Variants in CBLIF observed in about 807,000 individuals in gnomAD.
The protein encoded by CBLIF is gastric intrinsic factor (vitamin B synthesis).
CBLIF carries 24 observed loss-of-function variants against 44.9 expected under a neutral mutation model. The ratio of observed to expected loss-of-function variants is 0.53; its 90% CI spans 0.39 to 0.75. The LOEUF is 0.75. Among genes scored for constraint, CBLIF ranks in the 30% least tolerant of loss-of-function variants. The pLI, the probability that CBLIF is intolerant of heterozygous loss-of-function variation, is 0.00. For missense variants in CBLIF, 481 were observed against 513.0 expected (o/e 0.94, Z 0.60); for synonymous variants, 183 against 190.9 (o/e 0.96, Z 0.34).
At chr11:59,834,480 C>T (rs2135086651) in intron 7 of CBLIF, among the ~76,000 whole-genome samples, 1 of 150,048 alleles carries the variant, frequency 6.7e-6, no homozygotes, top group Admixed American at 6.7e-5. Context: ...GCAACCTCCA[C>T]CTCCCAGGCT....
At position 59,843,916 on chromosome 11, in the gene CBLIF, C is replaced by T; in HGVS notation, c.219G>A (p.Lys73=). 6.2e-7 allele frequency: 1 copy of T among 1,613,750 alleles called. No homozygotes were observed. The highest frequency in any genetic ancestry group is 8.5e-7 in the Non-Finnish European group (1 of 1,179,758). Residue 73 remains lysine, a synonymous_variant, in exon 2 of 9, where the codon AAG becomes AAA. Transcript: ENST00000257248. ...TGGACATGAGCTGGTAAGTCAGGAG[C>T]TTCTGGGCCTTCAAGTTGTAGGCTC... ...LAGAYNLKAQ[K]LLTYQLMSSD...
chr11:59,838,738 A>G (rs769088733), intron 5 of CBLIF, among the ~76,000 whole-genome samples: 3 of 152,194 alleles, frequency 2.0e-5, no homozygotes, highest in Non-Finnish European at 4.4e-5. Context: ...CATTGGGATT[A>G]CACATCACCA....
At chr11:59,842,297 G>T in intron 4 of CBLIF, 146 bp downstream of exon 4, 1 of 857,954 alleles carries the variant, frequency 1.2e-6, no homozygotes, top group African/African-American at 1.6e-5. Flanking sequence ...ACAAACATCT[G>T]GTAAATATCT....
chr11:59,830,843 C>A (rs1866363941), intron 8 of CBLIF, among the ~76,000 whole-genome samples: 1 of 152,138 alleles, frequency 6.6e-6, no homozygotes, highest in Admixed American at 6.5e-5. Context: ...GAGCTTCTAG[C>A]CAAGTCCTCT....
intron 2 of CBLIF, 95 bp from the exon 3 acceptor site, chr11:59,843,236 AT>A: frequency 1.3e-6 from 1 of 765,550 alleles, no homozygotes; most frequent in Non-Finnish European, 2.4e-6. Flanking sequence ...TATCTAGAGC[AT>A]TTTGACTTTT....
chr11:59,845,213 C>T (rs770094128), intron 1 of CBLIF, 162 bp downstream of exon 1: 1 of 949,792 alleles, frequency 1.1e-6, no homozygotes, highest in South Asian at 1.4e-5. Flanking sequence ...AGAACTTATG[C>T]TATTAAGTCA....
intron 7 of CBLIF, among the ~76,000 whole-genome samples, chr11:59,833,460 T>C (rs932846345): frequency 2.7e-5 from 4 of 150,286 alleles, no homozygotes; most frequent in African/African-American, 9.8e-5. Flanking sequence ...GGGGTTGCAG[T>C]GAGCCGAGAT....
chr11:59,834,240 T>TTC lies in CBLIF; in HGVS notation c.1073+1567_1073+1568insGA, dbSNP rs1424638091. On this transcript the variant is annotated intron_variant, in intron 7 of 8. Transcript: ENST00000257248. The stretch of plus-strand genomic sequence containing the variant: ...CCTTTCTGTTTCTTTCTTTCTTTCT[T>TTC]TTTCTTTCTTTCTTTCTTTCTTTCT... 2.9e-4 allele frequency among the ~76,000 whole-genome samples: 33 copies of TTC among 115,202 alleles called. 1 individual carries two copies. The highest frequency in any genetic ancestry group is 1.1e-3 in the African/African-American group (31 of 28,728). 75.6% of individuals were successfully genotyped at this position (115,202 alleles called of 152,430 possible).
Position 59,841,138 on chromosome 11 carries a change from T to C in CBLIF, c.693+5A>G. The C allele has an allele frequency of 6.2e-7, 1 of 1,606,990 alleles. No individual in the cohort carries two copies. The highest frequency in any genetic ancestry group is 8.5e-7 in the Non-Finnish European group (1 of 1,173,432). ...CCCAACCAAGAGCATCCAGCACGTG[T>C]TTACCTGCATGGCGAGGCCAGTACT... On this transcript the variant is annotated splice_donor_5th_base_variant and intron_variant, in intron 5 of 8. Transcript: ENST00000257248.
At chr11:59,844,105 A>C in intron 1 of CBLIF, 50 bp from the exon 2 acceptor site, 1 of 1,367,632 alleles carries the variant, frequency 7.3e-7, no homozygotes. Flanking sequence ...ATTCCTTCTC[A>C]AAAACATTAT....
Position 59,845,397 on chromosome 11 carries a change from ACTAGT to A in CBLIF, c.52_56del (p.Thr18TyrfsTer90). The A allele has an allele frequency of 5.6e-6, 9 of 1,611,352 alleles. No homozygotes were observed. The highest frequency in any genetic ancestry group is 7.6e-6 in the Non-Finnish European group (9 of 1,177,576). ...CACAGCATGAACTCTGGGTCTGGGT[ACTAGT>A]CCCAGCTGTAGCCCAGAGAAGGCTC... On this transcript the variant is annotated frameshift_variant, in exon 1 of 9. Coordinates refer to ENST00000257248, the MANE Select transcript of CBLIF (RefSeq NM_005142.3). LOFTEE classifies it high-confidence loss of function.
Position 59,829,391 on chromosome 11 carries a change from G to T in CBLIF, c.*93C>A. The T allele has an allele frequency of 1.3e-6, 1 of 799,578 alleles. No individual in the cohort carries two copies. The highest frequency in any genetic ancestry group is 2.2e-6 in the Non-Finnish European group (1 of 446,898). 49.5% of individuals were successfully genotyped at this position (799,578 alleles called of 1,614,324 possible). ...TTACCAGGAATATGGTAGCATCACA[G>T]GCATTCGCTTTTTTGCATAGATTTA... On this transcript the variant is annotated 3_prime_UTR_variant, in exon 9 of 9. Transcript: ENST00000257248.
chr11:59,838,848 C>CTTTTTTTTTTTTT (rs1217612334), intron 5 of CBLIF, among the ~76,000 whole-genome samples: 6 of 130,544 alleles, frequency 4.6e-5, no homozygotes, highest in Non-Finnish European at 9.7e-5. Flanking sequence ...TTCTTTCTTT[C>CTTTTTTTTTTTTT]TTTTTTTTTT....
intron 1 of CBLIF, 28 bp from the exon 2 acceptor site, chr11:59,844,083 C>T (rs769139067): frequency 1.9e-6 from 3 of 1,555,690 alleles, no homozygotes; most frequent in African/African-American, 1.4e-5. Flanking sequence ...ATTTACTCAC[C>T]TTCTAACCCT....
intron 7 of CBLIF, among the ~76,000 whole-genome samples, chr11:59,832,089 T>TA (rs1253615572): frequency 6.6e-6 from 1 of 152,194 alleles, no homozygotes; most frequent in Non-Finnish European, 1.5e-5. Context: ...AATGATCAGA[T>TA]AAAATCAAAT....
chr11:59,841,303 A>G lies in CBLIF; in HGVS notation c.533T>C (p.Leu178Ser). Residue 178 changes from leucine (L) to serine (S), a missense_variant, in exon 5 of 9, where the codon TTG (leucine) becomes TCG (serine). Leu to Ser is a moderately radical substitution (Grantham distance 145). Coordinates refer to ENST00000257248, the MANE Select transcript of CBLIF (RefSeq NM_005142.3). ...CTTGTTGTACATACAGGTCAGAGCCAAGGTTGCCATTGCTCCTGTGTCTGT... is the reference window on the plus strand; with the variant it reads ...CTTGTTGTACATACAGGTCAGAGCCGAGGTTGCCATTGCTCCTGTGTCTGT... ...FNVDTGAMAT[L>S]ALTCMYNKIP... 1 of 1,613,864 alleles carries G rather than the reference A, an allele frequency of 6.2e-7. No individual in the cohort carries two copies. The highest frequency in any genetic ancestry group is 8.5e-7 in the Non-Finnish European group (1 of 1,179,728).
At chr11:59,845,317 C>G (rs778489431) in intron 1 of CBLIF, 58 bp downstream of exon 1, 1 of 1,606,712 alleles carries the variant, frequency 6.2e-7, no homozygotes, top group South Asian at 1.1e-5. Flanking sequence ...TCAGAGGTCA[C>G]AGCCCCTTCC....
At chr11:59,832,312 A>G (rs111609687) in intron 7 of CBLIF, among the ~76,000 whole-genome samples, 2,768 of 152,232 alleles carry the variant, frequency 0.018, 81 homozygotes, top group African/African-American at 0.062. Flanking sequence ...CAACACACAC[A>G]GGGGCCTATC....
intron 8 of CBLIF, among the ~76,000 whole-genome samples, chr11:59,830,958 C>T (rs373271644): frequency 8.5e-5 from 13 of 152,314 alleles, no homozygotes; most frequent in African/African-American, 3.1e-4. Flanking sequence ...ATCTCCTCCA[C>T]TGTAATATTG....
Sources: allele counts gnomAD v4.1 joint callset (sites outside exome capture counted in the v4.1 genomes callset), GRCh38; gene constraint gnomAD v4.1.1; transcripts MANE v1.5; gene names NCBI Gene and HGNC (gene_info 2026-07-23, HGNC 2026-07-21).